The following VRK2 variants were observed in gnomAD, a reference collection of about 807,000 sequenced individuals.
The protein encoded by VRK2 is VRK serine/threonine kinase 2, also known as serine/threonine-protein kinase VRK2.
Under a neutral mutation model 57.6 loss-of-function variants are expected in VRK2, and 60 were observed. The ratio of observed to expected loss-of-function variants is 1.04; its 90% CI spans 0.85 to 1.29. The LOEUF is 1.29. Ranked by LOEUF, VRK2 falls within the 50% of genes most tolerant of loss-of-function variation. The pLI is 0.00. For missense variants in VRK2, 705 were observed against 588.1 expected (o/e 1.20, Z -2.06); for synonymous variants, 231 against 199.2 (o/e 1.16, Z -1.35).
intron 7 of VRK2, among the ~76,000 whole-genome samples, chr2:58,095,971 C>T (rs866945779): frequency 6.6e-6 from 1 of 151,934 alleles, no homozygotes; most frequent in East Asian, 1.9e-4. Flanking sequence ...TATCTGTCAG[C>T]GCTTATGTTC....
chr2:58,048,931 A>G lies in VRK2; in HGVS notation c.100A>G (p.Lys34Glu). The change falls in exon 2 of 13, where the codon AAG (lysine) becomes GAG (glutamate). Residue 34 changes from lysine to glutamate, a missense_variant. By Grantham distance (56) the Lys-to-Glu change is moderately conservative. Transcript: ENST00000340157. ...MEGNQWVLGKKIGSGGFGLIY... is the reference protein window; with the variant it reads ...MEGNQWVLGKEIGSGGFGLIY... The stretch of plus-strand genomic sequence containing the variant: ...AGGCAATCAGTGGGTACTGGGCAAG[A>G]AGATTGGCTCTGGAGGATTTGGATT... 2 of 1,613,976 alleles carry G rather than the reference A, an allele frequency of 1.2e-6. No homozygotes were observed. The highest frequency in any genetic ancestry group is 1.7e-6 in the Non-Finnish European group (2 of 1,179,914).
intron 2 of VRK2, among the ~76,000 whole-genome samples, chr2:58,076,077 T>A (rs1198288165): frequency 6.6e-6 from 1 of 151,754 alleles, no homozygotes; most frequent in African/African-American, 2.4e-5. Flanking sequence ...CTCTTTACTT[T>A]TTAAGAGCCT....
At chr2:58,120,724 A>G (rs1677360115) in intron 7 of VRK2, among the ~76,000 whole-genome samples, 1 of 152,208 alleles carries the variant, frequency 6.6e-6, no homozygotes, top group African/African-American at 2.4e-5. Flanking sequence ...CCTTTGAGAT[A>G]CAAGTTTTCT....
intron 2 of VRK2, among the ~76,000 whole-genome samples, chr2:58,064,803 C>T (rs1202501495): frequency 2.0e-5 from 3 of 151,866 alleles, no homozygotes; most frequent in African/African-American, 7.3e-5. Flanking sequence ...ACAGATAATA[C>T]ACTTTTTTTT....
intron 2 of VRK2, among the ~76,000 whole-genome samples, chr2:58,049,378 T>C (rs1187767302): frequency 6.6e-6 from 1 of 152,214 alleles, no homozygotes; most frequent in Non-Finnish European, 1.5e-5. Context: ...AATTGGGCTC[T>C]ACTGGAGAAT....
At chr2:58,066,430 G>A (rs1211562076) in intron 2 of VRK2, among the ~76,000 whole-genome samples, 1 of 151,920 alleles carries the variant, frequency 6.6e-6, no homozygotes, top group Non-Finnish European at 1.5e-5. Context: ...ATTTGATTAT[G>A]GTGTATTATT....
At chr2:58,049,528 T>A (rs1195602559) in intron 2 of VRK2, among the ~76,000 whole-genome samples, 1 of 152,192 alleles carries the variant, frequency 6.6e-6, no homozygotes, top group Admixed American at 6.5e-5. Context: ...TGATCTGTGG[T>A]ACAGGTAAGG....
At chr2:58,017,155 T>C (rs1161966731) in intron 1 of VRK2, among the ~76,000 whole-genome samples, 2 of 152,176 alleles carry the variant, frequency 1.3e-5, no homozygotes, top group African/African-American at 4.8e-5. Context: ...AGGTGTCTTT[T>C]GACACAGTTG....
At chr2:58,066,718 A>C (rs545591090) in intron 2 of VRK2, among the ~76,000 whole-genome samples, 4 of 152,254 alleles carry the variant, frequency 2.6e-5, no homozygotes, top group African/African-American at 9.6e-5. Flanking sequence ...TCTTTTTCAG[A>C]AAGGCATTCT....
At chr2:58,028,472 T>A (rs978166108) in intron 2 of VRK2, 4 of 152,140 alleles carry the variant, frequency 2.6e-5, no homozygotes, top group African/African-American at 9.7e-5. Context: ...TTTGGGTATA[T>A]ACCCAGTAAT....
intron 8 of VRK2, among the ~76,000 whole-genome samples, chr2:58,125,248 GT>G (rs1036433223): frequency 1.3e-5 from 2 of 152,040 alleles, no homozygotes; most frequent in Non-Finnish European, 2.9e-5. Flanking sequence ...GAGAAGTAGA[GT>G]TTTTTTGTGT....
intron 7 of VRK2, among the ~76,000 whole-genome samples, chr2:58,095,293 C>CA (rs1231159019): frequency 0.081 from 5,347 of 66,350 alleles, 137 homozygotes; most frequent in Middle Eastern, 0.15. Flanking sequence ...GACTCCGTCT[C>CA]AAAAAAAAAA....
At chr2:58,065,970 A>G (rs895720339) in intron 2 of VRK2, among the ~76,000 whole-genome samples, 2 of 152,062 alleles carry the variant, frequency 1.3e-5, no homozygotes, top group African/African-American at 2.4e-5. Flanking sequence ...CATGCTATGA[A>G]TTTGGTAAAC....
chr2:58,083,846 A>G (rs1017826682), intron 2 of VRK2, among the ~76,000 whole-genome samples: 8 of 151,854 alleles, frequency 5.3e-5, no homozygotes, highest in African/African-American at 1.9e-4. Context: ...CTGTGATGTC[A>G]GGCAGATTTG....
chr2:57,981,817 G>T (rs1222528167), intron 1 of VRK2, among the ~76,000 whole-genome samples: 1 of 152,076 alleles, frequency 6.6e-6, no homozygotes, highest in East Asian at 1.9e-4. Flanking sequence ...CCTTGGATTG[G>T]GTTTCAACCT....
Position 58,123,173 on chromosome 2 carries a change from C to G in VRK2, c.616C>G (p.Pro206Ala). The G allele has an allele frequency of 6.3e-7, 1 of 1,595,360 alleles. No homozygotes were observed. The highest frequency in any genetic ancestry group is 1.1e-5 in the South Asian group (1 of 87,088). The change falls in exon 8 of 13, where the codon CCT becomes GCT. Residue 206 changes from proline to alanine, a missense_variant. By Grantham distance (27) the Pro-to-Ala change is conservative. Coordinates refer to ENST00000340157, the MANE Select transcript of VRK2 (RefSeq NM_006296.7). ...GAACCACAAACAGTATCAGGAAAAT[C>G]CTAGAAAAGGCCATAATGGGACAAT... The part of the protein sequence containing the change: ...NGNHKQYQEN[P>A]RKGHNGTIEF...
chr2:58,078,438 T>A (rs1014475245), intron 2 of VRK2, among the ~76,000 whole-genome samples: 7 of 152,154 alleles, frequency 4.6e-5, no homozygotes, highest in African/African-American at 1.4e-4. Context: ...TGGCTAATTG[T>A]CTGTAATGCT....
At chr2:58,137,220 A>ATGATACATG (rs1215720524) in intron 10 of VRK2, among the ~76,000 whole-genome samples, 5 of 48,098 alleles carry the variant, frequency 1.0e-4, no homozygotes, top group African/African-American at 5.1e-4. Flanking sequence ...TGATACATAT[A>ATGATACATG]TATCATATGA....
At chr2:57,935,987 C>A (rs565599397) in intron 1 of VRK2, among the ~76,000 whole-genome samples, 1 of 152,276 alleles carries the variant, frequency 6.6e-6, no homozygotes, top group Admixed American at 6.5e-5. Flanking sequence ...TTAGATGGGT[C>A]ATTCTCAAAA....
Sources: gnomAD v4.1 joint callset for allele counts (sites outside exome capture counted in the v4.1 genomes callset) on GRCh38, gnomAD v4.1.1 for gene constraint, MANE v1.5 for transcripts, NCBI Gene and HGNC (gene_info 2026-07-23, HGNC 2026-07-21) for gene names.